PSTPIP2: variants seen among roughly 807,000 people sequenced by gnomAD.
PSTPIP2 encodes proline-serine-threonine phosphatase interacting protein 2, also known as proline-serine-threonine phosphatase-interacting protein 2.
Under a neutral mutation model 63.3 loss-of-function variants are expected in PSTPIP2, and 33 were observed. The ratio of observed to expected loss-of-function variants is 0.52; its 90% CI spans 0.40 to 0.70. PSTPIP2 has a LOEUF of 0.70. Ranked by LOEUF, PSTPIP2 falls within the 30% of genes least tolerant of loss-of-function variation. The pLI is 0.00. For missense variants in PSTPIP2, 312 were observed against 400.7 expected (o/e 0.78, Z 1.89); for synonymous variants, 125 against 132.7 (o/e 0.94, Z 0.40).
chr18:45,998,028 A>AAAGGAG (rs2051621142), intron 8 of PSTPIP2, among the ~76,000 whole-genome samples, 200 bp from the exon 9 acceptor site: 1 of 151,982 alleles, frequency 6.6e-6, no homozygotes, highest in African/African-American at 2.4e-5. Flanking sequence ...GGAGGGTATC[A>AAAGGAG]CTTTCTTTTT....
chr18:46,049,019 T>C (rs973424897), intron 1 of PSTPIP2, among the ~76,000 whole-genome samples: 3 of 114,028 alleles, frequency 2.6e-5, no homozygotes, highest in African/African-American at 1.6e-4. Context: ...TGTGTGTGTG[T>C]GTGTGTGTGT....
rs1272046084 is a variant in PSTPIP2 at position 45,993,608 on chromosome 18, A to C, written c.738T>G (p.Asp246Glu). 1 of 1,612,964 alleles carries C rather than the reference A, an allele frequency of 6.2e-7. No individual in the cohort carries two copies. Among genetic ancestry groups the C allele is most frequent in the African/African-American group, 1.3e-5 (1 of 74,880 alleles). Residue 246 changes from aspartate (D) to glutamate (E), a missense_variant, in exon 10 of 15, where the codon GAT becomes GAG. Coordinates refer to ENST00000409746, the MANE Select transcript of PSTPIP2 (RefSeq NM_024430.4). ...NQLSQQCVTS[D>E]EMYEQVRKSL... ...TCAGTGGATGCCTCTGACTTACTTC[A>C]TCACTGGTGACACATTGTTGTGACA...
chr18:46,005,074 C>G (rs1057143749), intron 6 of PSTPIP2, among the ~76,000 whole-genome samples: 1 of 152,110 alleles, frequency 6.6e-6, no homozygotes, highest in Non-Finnish European at 1.5e-5. Context: ...ATGGATAGAA[C>G]TGGAGGCTAT....
chr18:45,988,651 C>T, intron 14 of PSTPIP2, 51 bp downstream of exon 14: 1 of 1,458,674 alleles, frequency 6.9e-7, no homozygotes, highest in Non-Finnish European at 9.6e-7. Flanking sequence ...TTCAATAGCA[C>T]AATTACCAGT....
At position 45,997,813 on chromosome 18, in the gene PSTPIP2, A is replaced by T. The variant is rs1395419861; in HGVS notation, c.578T>A (p.Leu193Gln). Residue 193 changes from leucine to glutamine, a missense_variant, in exon 9 of 15, where the codon CTG (leucine) becomes CAG (glutamine). Transcript: ENST00000409746. The part of the protein sequence containing the change: ...AVEDSDKAYM[L>Q]HIGTLDKVRE... ...GACCTTATCCAGGGTGCCGATGTGC[A>T]GCATGTATGCTTTGTCTGCAACAGA... 6.5e-7 allele frequency: 1 copy of T among 1,550,322 alleles called. No homozygotes were observed. Among genetic ancestry groups the T allele is most frequent in the Non-Finnish European group, 8.7e-7 (1 of 1,143,454 alleles).
chr18:45,994,549 A>G (rs1732155721), intron 9 of PSTPIP2, among the ~76,000 whole-genome samples: 1 of 152,210 alleles, frequency 6.6e-6, no homozygotes, highest in South Asian at 2.1e-4. Flanking sequence ...ATCTCATACT[A>G]CAGGTTTTAT....
chr18:46,057,035 C>T (rs564906358), intron 1 of PSTPIP2, among the ~76,000 whole-genome samples: 5 of 151,566 alleles, frequency 3.3e-5, no homozygotes, highest in East Asian at 4.0e-4. Context: ...ACCGGGGAGG[C>T]GGAGGTTGCA....
At chr18:46,062,645 G>T (rs1404523340) in intron 1 of PSTPIP2, among the ~76,000 whole-genome samples, 2 of 151,946 alleles carry the variant, frequency 1.3e-5, no homozygotes, top group Admixed American at 6.6e-5. Context: ...CTCCTGAGTA[G>T]CTGGGACTAC....
rs139083404 is a variant in PSTPIP2 at position 46,011,651 on chromosome 18, G to A, written c.248-364C>T. The stretch of plus-strand genomic sequence containing the variant: ...TTCATTCTCTGTAGATGACCTCTAA[G>A]TTTCCTTCCATCTCTAATGTCTCAT... On this transcript the variant is annotated intron_variant, in intron 4 of 14. Coordinates refer to ENST00000409746, the MANE Select transcript of PSTPIP2 (RefSeq NM_024430.4). Among the ~76,000 whole-genome samples, 302 of 152,198 alleles carry A rather than the reference G, an allele frequency of 2.0e-3. 2 individuals carry two copies. Among genetic ancestry groups the A allele is most frequent in the African/African-American group, 6.7e-3 (279 of 41,486 alleles).
chr18:45,998,775 G>A lies in PSTPIP2; in HGVS notation c.562+19C>T, dbSNP rs577819046. ...CCCCACCAGCAACCCTCCCCCATCC[G>A]TAGGAACTGCCCCCTCACCTGAGTC... On this transcript the variant is annotated intron_variant, in intron 8 of 14. Transcript: ENST00000409746. The A allele has an allele frequency of 1.6e-5, 26 of 1,610,380 alleles. No individual in the cohort carries two copies. Among genetic ancestry groups the A allele is most frequent in the Middle Eastern group, 1.7e-4 (1 of 6,048 alleles).
chr18:46,031,628 T>C (rs1568223425), intron 2 of PSTPIP2, among the ~76,000 whole-genome samples: 2 of 152,216 alleles, frequency 1.3e-5, no homozygotes, highest in Non-Finnish European at 1.5e-5. Flanking sequence ...TATTTTTACA[T>C]GTAAAAAGAT....
intron 3 of PSTPIP2, among the ~76,000 whole-genome samples, chr18:46,018,044 T>C (rs549345037): frequency 2.6e-4 from 39 of 152,328 alleles, no homozygotes; most frequent in Non-Finnish European, 5.1e-4. Context: ...TTATATAAGT[T>C]CTATCTGATT....
Position 45,997,827 on chromosome 18 carries a change from G to C in PSTPIP2, c.564C>G (p.Asp188Glu). 6.2e-7 allele frequency: 1 copy of C among 1,601,362 alleles called. No homozygotes were observed. The highest frequency in any genetic ancestry group is 8.5e-7 in the Non-Finnish European group (1 of 1,175,612). Residue 188 changes from aspartate to glutamate, a missense_variant and splice_region_variant, in exon 9 of 15, where the codon GAC (aspartate) becomes GAG (glutamate). Asp to Glu is a conservative substitution (Grantham distance 45, BLOSUM62 2). Coordinates refer to ENST00000409746, the MANE Select transcript of PSTPIP2 (RefSeq NM_024430.4). ...ATSKTAVEDS[D>E]KAYMLHIGTL... Reference sequence around the variant, plus strand: ...TGCCGATGTGCAGCATGTATGCTTTGTCTGCAACAGAAGGGAGAGACCTGG... The same window carrying C: ...TGCCGATGTGCAGCATGTATGCTTTCTCTGCAACAGAAGGGAGAGACCTGG...
At chr18:46,021,681 C>T (rs1368353731) in intron 3 of PSTPIP2, among the ~76,000 whole-genome samples, 1 of 151,270 alleles carries the variant, frequency 6.6e-6, no homozygotes, top group African/African-American at 2.4e-5. Flanking sequence ...GACGGTGGCT[C>T]ATGCCTGTAA....
At chr18:45,993,574 C>T (rs187562733) in intron 10 of PSTPIP2, 31 bp downstream of exon 10, 123 of 1,575,668 alleles carry the variant, frequency 7.8e-5, no homozygotes, top group Middle Eastern at 1.7e-4. Flanking sequence ...AACATGCACA[C>T]GACAATCCTC....
At chr18:46,036,045 T>G (rs1907963535) in intron 2 of PSTPIP2, among the ~76,000 whole-genome samples, 1 of 151,626 alleles carries the variant, frequency 6.6e-6, no homozygotes, top group African/African-American at 2.4e-5. Context: ...TGATGGAGTG[T>G]TTGTTACTGT....
In PSTPIP2 at chr18:45,999,430, G is replaced by A. The variant is rs756148463; in HGVS notation, c.516+6C>T. ...GATTTTTCGGGTTGTTAGCCCTCCT[G>A]GGTACCTTTTCTTGTTGCTTCGGGT... On this transcript the variant is annotated splice_donor_region_variant and intron_variant, in intron 7 of 14. Transcript: ENST00000409746. 9 of 1,613,978 alleles carry A rather than the reference G, an allele frequency of 5.6e-6. No homozygotes were observed. Among genetic ancestry groups the A allele is most frequent in the African/African-American group, 2.7e-5 (2 of 74,922 alleles).
At chr18:46,031,967 AC>A (rs1907800870) in intron 2 of PSTPIP2, among the ~76,000 whole-genome samples, 1 of 152,210 alleles carries the variant, frequency 6.6e-6, no homozygotes, top group South Asian at 2.1e-4. Flanking sequence ...GGGAACAACC[AC>A]TGAGGTTGAG....
intron 13 of PSTPIP2, 138 bp downstream of exon 13, chr18:45,990,584 C>T: frequency 1.5e-6 from 1 of 655,500 alleles, no homozygotes; most frequent in East Asian, 3.1e-5. Context: ...CACGCACCAC[C>T]ACACCCAGCT....
Sources: gnomAD v4.1 joint callset for allele counts (sites outside exome capture counted in the v4.1 genomes callset) on GRCh38, gnomAD v4.1.1 for gene constraint, MANE v1.5 for transcripts, NCBI Gene and HGNC (gene_info 2026-07-23, HGNC 2026-07-21) for gene names.